The following KIF4A variants were observed in gnomAD, a reference collection of about 807,000 sequenced individuals.
KIF4A encodes chromosome-associated kinesin KIF4A.
In KIF4A, 7 loss-of-function variants were observed where a neutral mutation model predicts 105.9. The ratio of observed to expected loss-of-function variants is 0.07; its 90% CI spans 0.04 to 0.12. The LOEUF is 0.12. Ranked by LOEUF, KIF4A falls within the 10% of genes least tolerant of loss-of-function variation. The probability of loss-of-function intolerance (pLI) is 1.00; values close to 1 mark genes in which losing one functional copy is unlikely to be tolerated. For synonymous variants in KIF4A, 281 were observed against 331.3 expected (o/e 0.85, Z 1.65); for missense variants, 558 against 929.2 (o/e 0.60, Z 5.19).
intron 5 of KIF4A, among the ~76,000 whole-genome samples, chrX:70,301,362 G>A: frequency 9.0e-6 from 1 of 111,384 alleles, no homozygotes; most frequent in Non-Finnish European, 1.9e-5. Flanking sequence ...CACCTCAGAG[G>A]CTCCAAGAGA....
chrX:70,348,467 G>T (rs902437184), intron 13 of KIF4A, among the ~76,000 whole-genome samples: 1 of 111,286 alleles, frequency 9.0e-6, no homozygotes, highest in East Asian at 2.8e-4. Flanking sequence ...CGTGAACAAA[G>T]GTCTCTGGCT....
At chrX:70,323,119 C>T (rs951859676) in intron 7 of KIF4A, among the ~76,000 whole-genome samples, 15 of 110,794 alleles carry the variant, frequency 1.4e-4, no homozygotes, top group African/African-American at 4.9e-4. Context: ...TGTCTTTCTG[C>T]ATTCTGTTCT....
chrX:70,396,769 A>G (rs1208837333), intron 22 of KIF4A, among the ~76,000 whole-genome samples: 12 of 112,644 alleles, frequency 1.1e-4, no homozygotes, highest in Non-Finnish European at 1.9e-5. Context: ...AGTACTTAGC[A>G]TATTAGAAGT....
At position 70,290,470 on chromosome X, in the gene KIF4A, G is replaced by C; in HGVS notation, c.12G>C (p.Glu4Asp). The change falls in exon 2 of 31, where the codon GAG becomes GAC. Residue 4 changes from glutamate (E) to aspartate (D), a missense_variant. Glu to Asp is a conservative substitution (Grantham distance 45). Coordinates refer to ENST00000374403, the MANE Select transcript of KIF4A (RefSeq NM_012310.5). MKE[E>D]VKGIPVRVAL... ...GCTGAGATAGGATCATGAAGGAAGA[G>C]GTGAAGGGAATTCCCGTAAGAGTGG... is the stretch of plus-strand genomic sequence containing the variant. 1 of 1,210,624 alleles carries C rather than the reference G, an allele frequency of 8.3e-7. No individual in the cohort carries two copies. The highest frequency in any genetic ancestry group is 1.1e-6 in the Non-Finnish European group (1 of 895,014).
intron 15 of KIF4A, among the ~76,000 whole-genome samples, chrX:70,358,084 A>AT (rs2086059226): frequency 9.1e-6 from 1 of 109,875 alleles, no homozygotes; most frequent in Non-Finnish European, 1.9e-5. Flanking sequence ...CTAATTTTTT[A>AT]TTTTTTGTAG....
chrX:70,414,747 A>G (rs1485552745), intron 28 of KIF4A, among the ~76,000 whole-genome samples: 1 of 111,953 alleles, frequency 8.9e-6, no homozygotes, highest in Admixed American at 9.5e-5. Context: ...ATTGGGTCCT[A>G]TGATTAGAAG....
intron 3 of KIF4A, 102 bp from the exon 4 acceptor site, chrX:70,296,896 G>A (rs762746346): frequency 7.2e-5 from 65 of 901,526 alleles, no homozygotes; most frequent in Admixed American, 5.3e-4. Context: ...TATTAAGAGA[G>A]CAATCTCAGT....
At chrX:70,333,574 G>A in intron 9 of KIF4A, 54 bp from the exon 10 acceptor site, 4 of 873,856 alleles carry the variant, frequency 4.6e-6, no homozygotes, top group Non-Finnish European at 6.8e-6. Context: ...ACTGCCAAGG[G>A]TTAAGTAGCA....
Position 70,386,666 on chromosome X carries a change from A to G in KIF4A, c.2083A>G (p.Lys695Glu). Reference protein sequence around the residue: ...ELLKLERNFQKQSNVLRRKTE... With the variant: ...ELLKLERNFQEQSNVLRRKTE... ...GCTGAAACTTGAAAGAAACTTCCAG[A>G]AACAATCCAATGTGCTCAGACGTAA... Residue 695 changes from lysine to glutamate, a missense_variant, in exon 19 of 31, where the codon AAA becomes GAA. Around this residue, in one of 2 missense-constraint regions of KIF4A, gnomAD observed 469 missense variants for 680.4 expected, o/e 0.69. Coordinates refer to ENST00000374403, the MANE Select transcript of KIF4A (RefSeq NM_012310.5). The G allele has an allele frequency of 8.3e-7, 1 of 1,209,536 alleles. No individual in the cohort carries two copies. The highest frequency in any genetic ancestry group is 1.1e-6 in the Non-Finnish European group (1 of 893,346).
At chrX:70,364,768 A>G (rs1354610426) in intron 15 of KIF4A, among the ~76,000 whole-genome samples, 1 of 111,577 alleles carries the variant, frequency 9.0e-6, no homozygotes, top group East Asian at 2.8e-4. Flanking sequence ...GTTTTTTCCA[A>G]TTCTATGAAG....
chrX:70,391,349 C>T (rs2086236796), intron 20 of KIF4A, among the ~76,000 whole-genome samples: 1 of 111,337 alleles, frequency 9.0e-6, no homozygotes, highest in African/African-American at 3.3e-5. Context: ...TTTATTTCTT[C>T]CTTTCTAATC....
intron 29 of KIF4A, among the ~76,000 whole-genome samples, chrX:70,419,084 C>CAA (rs1157047497): frequency 3.7e-4 from 21 of 57,048 alleles, no homozygotes; most frequent in African/African-American, 1.2e-3. Context: ...GACTCCATCT[C>CAA]AAAAAAAAAA....
chrX:70,373,974 T>G (rs1270420993), intron 15 of KIF4A, among the ~76,000 whole-genome samples, 177 bp from the exon 16 acceptor site: 1 of 105,606 alleles, frequency 9.5e-6, no homozygotes, highest in Non-Finnish European at 1.9e-5. Flanking sequence ...ACCCTCAGAT[T>G]CCAAACATTT....
At chrX:70,296,083 CTTT>C (rs386417082) in intron 3 of KIF4A, among the ~76,000 whole-genome samples, 4 of 65,025 alleles carry the variant, frequency 6.2e-5, no homozygotes, top group Non-Finnish European at 1.0e-4. Context: ...ATAAATGATG[CTTT>C]TTTTTTTTTT....
chrX:70,346,455 GC>G (rs1210364151), intron 13 of KIF4A, among the ~76,000 whole-genome samples: 1 of 111,327 alleles, frequency 9.0e-6, no homozygotes, highest in Non-Finnish European at 1.9e-5. Context: ...CATTTCTGGG[GC>G]TTCGAGTCAC....
At chrX:70,303,440 C>T (rs1217922247) in intron 7 of KIF4A, among the ~76,000 whole-genome samples, 1 of 112,034 alleles carries the variant, frequency 8.9e-6, no homozygotes, top group Non-Finnish European at 1.9e-5. Flanking sequence ...GGCTTCATTT[C>T]TCTCTTGGGA....
intron 20 of KIF4A, among the ~76,000 whole-genome samples, chrX:70,393,260 G>T (rs2086244521): frequency 9.0e-6 from 1 of 110,929 alleles, no homozygotes; most frequent in South Asian, 3.7e-4. Flanking sequence ...TTTTGTTATT[G>T]ATTTCCAATT....
At chrX:70,381,057 G>A (rs1231587564) in intron 18 of KIF4A, among the ~76,000 whole-genome samples, 2 of 111,411 alleles carry the variant, frequency 1.8e-5, no homozygotes, top group South Asian at 3.8e-4. Context: ...GCTGAGGCAC[G>A]AGAATCATTT....
chrX:70,397,030 G>A (rs1314624665), intron 22 of KIF4A, among the ~76,000 whole-genome samples: 3 of 109,792 alleles, frequency 2.7e-5, no homozygotes, highest in East Asian at 5.7e-4. Flanking sequence ...CCGAGATTGC[G>A]CCATTGCACT....
Sources: gnomAD v4.1 joint callset for allele counts (sites outside exome capture counted in the v4.1 genomes callset) on GRCh38, gnomAD v4.1.1 for gene constraint, gnomAD v4.1.1 regional missense constraint, MANE v1.5 for transcripts, NCBI Gene and HGNC (gene_info 2026-07-23, HGNC 2026-07-21) for gene names.